The following MTOR variants were observed in gnomAD, a reference collection of about 807,000 sequenced individuals.
MTOR encodes the protein serine/threonine-protein kinase mTOR.
In MTOR, 70 loss-of-function variants were observed where a neutral mutation model predicts 319.8. The ratio of observed to expected loss-of-function variants is 0.22; its 90% confidence interval spans 0.18 to 0.27. MTOR has a LOEUF of 0.27. MTOR is among the 10% of genes least tolerant of loss of function. MTOR has a pLI of 1.00. For missense variants in MTOR, 1,890 were observed against 3,274.4 expected, an observed-to-expected ratio of 0.58 and a Z score of 10.32; for synonymous variants, 1,183 against 1,211.4, an observed-to-expected ratio of 0.98 and a Z score of 0.49.
At chr1:11,222,853 C>T (rs1646713631) in intron 19 of MTOR, among the ~76,000 whole-genome samples, 1 of 151,976 alleles carries the variant, frequency 6.6e-6, no homozygotes, top group East Asian at 1.9e-4. Flanking sequence ...CCAATGAATG[C>T]TAAAATGACT....
At chr1:11,156,894 T>G (rs991942260) in intron 30 of MTOR, among the ~76,000 whole-genome samples, 1 of 152,176 alleles carries the variant, frequency 6.6e-6, no homozygotes, top group Non-Finnish European at 1.5e-5. Flanking sequence ...ACAGGAGAAG[T>G]AGATCCCAGG....
At chr1:11,185,005 C>G (rs1390761420) in intron 28 of MTOR, among the ~76,000 whole-genome samples, 1 of 152,208 alleles carries the variant, frequency 6.6e-6, no homozygotes, top group African/African-American at 2.4e-5. Context: ...TTTCACATAG[C>G]TGCACCTTTG....
rs966752132 is a variant in MTOR, at chr1:11,240,244, C to A, written c.1786+59G>T. The A allele has an allele frequency of 6.0e-6, 9 of 1,509,226 alleles. No individual in the cohort carries two copies. In the African/African-American group the frequency reaches 1.1e-4, roughly 19 times the overall value. 93.5% of individuals were successfully genotyped at this position (1,509,226 alleles called of 1,614,324 possible). A position where few individuals can be genotyped will look rare whatever the true frequency, so the allele number is the denominator to read the frequency against. ...CCAGGAATCCTAGATACCTTCATTCCTTTCCCAAAGTTTCCAGCATCTCTC... is the reference window on the plus strand; with the variant it reads ...CCAGGAATCCTAGATACCTTCATTCATTTCCCAAAGTTTCCAGCATCTCTC... On this transcript the variant is annotated intron_variant, in intron 11 of 57. Coordinates refer to ENST00000361445, the MANE Select transcript of MTOR (RefSeq NM_004958.4).
chr1:11,117,216 A>G (rs1642210566), intron 49 of MTOR, 130 bp from the exon 50 acceptor site: 3 of 719,632 alleles, frequency 4.2e-6, no homozygotes, highest in Admixed American at 6.5e-5. Flanking sequence ...GCTGGAAGGC[A>G]GTGGTGCTAT....
rs539435696 is a variant in MTOR at position 11,133,275 on chromosome 1, G to C, written c.5247-78C>G. ...CTAAGAGGACCACAAATTGTTAGGG[G>C]ACACTGAAGCCCTTCTGGTATTTCC... On this transcript the variant is annotated intron_variant, in intron 37 of 57. Coordinates refer to ENST00000361445, the MANE Select transcript of MTOR (RefSeq NM_004958.4). The surrounding 1 kb of genome is among the most constrained non-coding windows in gnomAD (Gnocchi z 4.0). The C allele has an allele frequency of 4.0e-5, 50 of 1,237,434 alleles. No homozygotes were observed. In the African/African-American group the frequency reaches 7.4e-4, roughly 18 times the overall value. The allele number at this position is 1,237,434 out of a possible 1,614,324, so 76.7% of individuals were successfully genotyped here. A position where few individuals can be genotyped will look rare whatever the true frequency, so the allele number is the denominator to read the frequency against.
intron 11 of MTOR, among the ~76,000 whole-genome samples, chr1:11,238,856 G>A (rs1188750852): frequency 2.6e-5 from 4 of 150,960 alleles, no homozygotes; most frequent in South Asian, 2.1e-4. Context: ...TCCGCCTCCC[G>A]GGTTCACACC....
intron 8 of MTOR, among the ~76,000 whole-genome samples, chr1:11,245,322 A>G (rs1256496577): frequency 6.6e-6 from 1 of 152,188 alleles, no homozygotes; most frequent in Non-Finnish European, 1.5e-5. Flanking sequence ...AGTACACATA[A>G]AATAGGAGAG....
At chr1:11,118,350 C>T (rs1040740247) in intron 49 of MTOR, among the ~76,000 whole-genome samples, 2 of 93,716 alleles carry the variant, frequency 2.1e-5, no homozygotes, top group Admixed American at 1.2e-4. Flanking sequence ...GATTCTCCTG[C>T]CTCAGCCTCC....
chr1:11,222,916 C>T (rs945795852), intron 19 of MTOR, among the ~76,000 whole-genome samples: 2 of 152,010 alleles, frequency 1.3e-5, no homozygotes, highest in South Asian at 2.1e-4. Flanking sequence ...TGACAATATC[C>T]GAACCCACTG....
In MTOR at chr1:11,133,285, C is replaced by T; in HGVS notation, c.5247-88G>A. 8.7e-7 allele frequency: 1 copy of T among 1,151,494 alleles called. No homozygotes were observed. The highest frequency in any genetic ancestry group is 1.5e-5 in the African/African-American group (1 of 65,814). The allele number at this position is 1,151,494 out of a possible 1,614,324, so 71.3% of individuals were successfully genotyped here. On this transcript the variant is annotated intron_variant, in intron 37 of 57. Coordinates refer to ENST00000361445, the MANE Select transcript of MTOR (RefSeq NM_004958.4). The surrounding 1 kb of genome is among the most constrained non-coding windows in gnomAD (Gnocchi z 4.0). ...CACAAATTGTTAGGGGACACTGAAG[C>T]CCTTCTGGTATTTCCTCTTATTCTC...
intron 1 of MTOR, among the ~76,000 whole-genome samples, chr1:11,261,754 A>G (rs1321716835): frequency 6.6e-6 from 1 of 152,096 alleles, no homozygotes; most frequent in African/African-American, 2.4e-5. Flanking sequence ...AATCCCTGCT[A>G]AGAAAACTAC....
At chr1:11,257,227 G>C (rs1419730415) in intron 3 of MTOR, 62 bp from the exon 4 acceptor site, 4 of 1,410,122 alleles carry the variant, frequency 2.8e-6, no homozygotes, top group Non-Finnish European at 3.9e-6. Flanking sequence ...AAAGTACGCA[G>C]ACTTCAACTA....
intron 50 of MTOR, among the ~76,000 whole-genome samples, chr1:11,116,681 T>C (rs1440443392): frequency 6.6e-6 from 1 of 152,146 alleles, no homozygotes; most frequent in African/African-American, 2.4e-5. Context: ...TGGGGCTTTA[T>C]TGAGATGGGG....
intron 36 of MTOR, 124 bp downstream of exon 36, chr1:11,139,180 C>A (rs1643569971): frequency 4.6e-6 from 6 of 1,316,230 alleles, no homozygotes; most frequent in South Asian, 1.5e-5. Flanking sequence ...GGAAGAGACT[C>A]CCTGACATTG....
chr1:11,109,702 T>C lies in MTOR; in HGVS notation c.7394A>G (p.Glu2465Gly). 6.2e-7 allele frequency: 1 copy of C among 1,614,086 alleles called. No individual in the cohort carries two copies. The highest frequency in any genetic ancestry group is 8.5e-7 in the Non-Finnish European group (1 of 1,179,988). The change falls in exon 55 of 58, where the codon GAG (glutamate) becomes GGG (glycine). Residue 2465 changes from glutamate to glycine, a missense_variant. Physicochemically the swap from Glu to Gly is moderately conservative, Grantham distance 98 (BLOSUM62 -2). Around this residue, in one of 15 missense-constraint regions of MTOR, gnomAD observed 49 missense variants for 67.6 expected, o/e 0.72. Coordinates refer to ENST00000361445, the MANE Select transcript of MTOR (RefSeq NM_004958.4). The surrounding 1 kb of genome is among the most constrained non-coding windows in gnomAD (Gnocchi z 4.0). ...GGTCCCCGTTTTCTTATGGGCTGGC[T>C]CTCCAAGTTCCACACCGTCCAAAAT... ...VEILDGVELG[E>G]PAHKKTGTTV...
chr1:11,132,211 G>T (rs1478598423), intron 38 of MTOR: 1 of 152,164 alleles, frequency 6.6e-6, no homozygotes, highest in Non-Finnish European at 1.5e-5. Context: ...AAGTAACTCT[G>T]GTTAGAATAC....
intron 28 of MTOR, chr1:11,193,428 G>A: frequency 1.5e-6 from 1 of 669,834 alleles, no homozygotes; most frequent in Non-Finnish European, 2.4e-6. Context: ...ACCAGCAGTG[G>A]GGCAGCATCA....
chr1:11,190,572 AT>A (rs1337223599), intron 28 of MTOR, among the ~76,000 whole-genome samples: 1 of 152,186 alleles, frequency 6.6e-6, no homozygotes, highest in Non-Finnish European at 1.5e-5. Flanking sequence ...ATGGTCTTAA[AT>A]GAATTTCTCC....
intron 3 of MTOR, among the ~76,000 whole-genome samples, chr1:11,257,566 G>GAAAAAAAAAAAAAAAAAA: frequency 1.5e-5 from 1 of 64,842 alleles, no homozygotes; most frequent in Non-Finnish European, 2.8e-5. Context: ...CTGTCTCAGA[G>GAAAAAAAAAAAAAAAAAA]AAAAAAAAAA....
Sources: gnomAD v4.1 joint callset for allele counts (sites outside exome capture counted in the v4.1 genomes callset) on GRCh38, gnomAD v4.1.1 for gene constraint, gnomAD v4.1.1 regional missense constraint, Gnocchi (gnomAD v3.1) non-coding constraint, MANE v1.5 for transcripts, NCBI Gene and HGNC (gene_info 2026-07-23, HGNC 2026-07-21) for gene names.